The following CCDC180 variants were observed in gnomAD, a reference collection of about 807,000 sequenced individuals.
The protein encoded by CCDC180 is coiled-coil domain-containing protein 180.
Under a neutral mutation model 209.2 loss-of-function variants are expected in CCDC180, and 154 were observed. That is an observed-to-expected ratio of 0.74 (90% CI 0.65 to 0.84). The LOEUF is 0.84. CCDC180 is among the 40% of genes least tolerant of loss of function. The probability of loss-of-function intolerance (pLI) is 0.00; values close to 1 mark genes in which losing one functional copy is unlikely to be tolerated. For missense variants in CCDC180, 1,874 were observed against 1,997.3 expected, an observed-to-expected ratio of 0.94 and a Z score of 1.18; for synonymous variants, 778 against 749.1, an observed-to-expected ratio of 1.04 and a Z score of -0.63.
chr9:97,328,822 A>G (rs1245121919), intron 16 of CCDC180, among the ~76,000 whole-genome samples: 2 of 152,208 alleles, frequency 1.3e-5, no homozygotes, highest in African/African-American at 4.8e-5. Context: ...AGGAGTCTGG[A>G]GAACCCAACT....
intron 9 of CCDC180, among the ~76,000 whole-genome samples, chr9:97,317,637 C>A (rs921607517): frequency 1.3e-5 from 2 of 152,186 alleles, no homozygotes; most frequent in Non-Finnish European, 2.9e-5. Context: ...ATCCTTCAGG[C>A]AAACACTTCC....
At position 97,330,513 on chromosome 9, in the gene CCDC180, A is replaced by C; in HGVS notation, c.2020A>C (p.Lys674Gln). ...AACTGAAGAGGTGCTGGGGCAGCAG[A>C]AAAAATCTCCACTGCATGCTAAGAT... The part of the protein sequence containing the change: ...FITEEVLGQQ[K>Q]KSPLHAKMDE... Residue 674 changes from lysine (K) to glutamine (Q), a missense_variant, in exon 18 of 37, where the codon AAA becomes CAA. Transcript: ENST00000529487. 6.2e-7 allele frequency: 1 copy of C among 1,614,176 alleles called. No homozygotes were observed. The highest frequency in any genetic ancestry group is 2.2e-5 in the East Asian group (1 of 44,878).
chr9:97,332,320 CT>C (rs1249121932), intron 18 of CCDC180, among the ~76,000 whole-genome samples: 1 of 152,106 alleles, frequency 6.6e-6, no homozygotes, highest in Non-Finnish European at 1.5e-5. Flanking sequence ...TCCAGCTGTG[CT>C]CTTTTTACTT....
In CCDC180 at chr9:97,330,313, C is replaced by T. The variant is rs745691068; in HGVS notation, c.1829-9C>T. 1.9e-6 allele frequency: 3 copies of T among 1,612,684 alleles called. No homozygotes were observed. The highest frequency in any genetic ancestry group is 1.7e-5 in the Admixed American group (1 of 59,802). On this transcript the variant is annotated splice_polypyrimidine_tract_variant and intron_variant, in intron 17 of 36. Transcript: ENST00000529487. ...TCTCTCCTTGTGCTTTGGTGTTTAT[C>T]ATCAACAGAAGCACATGAAAAACCC...
At chr9:97,368,442 G>A (rs1478343613) in intron 31 of CCDC180, among the ~76,000 whole-genome samples, 3 of 152,062 alleles carry the variant, frequency 2.0e-5, no homozygotes, top group Non-Finnish European at 4.4e-5. Context: ...AACCCAACAG[G>A]GCTTCCTGAG....
intron 10 of CCDC180, among the ~76,000 whole-genome samples, chr9:97,319,714 T>G (rs981903378): frequency 2.0e-5 from 3 of 152,234 alleles, no homozygotes; most frequent in African/African-American, 7.2e-5. Flanking sequence ...TTTGCTGTAC[T>G]TAGTTTTCTA....
rs1384217494 is a variant in CCDC180, at chr9:97,312,182, G to A, written c.330G>A (p.Arg110=). The change falls in exon 4 of 37, where the codon CGG becomes CGA. Residue 110 remains arginine, a synonymous_variant. Transcript: ENST00000529487. The part of the protein sequence containing the change: ...SENTIAAREV[R]GLMDTIVPEK... Reference sequence around the variant, plus strand: ...ACACCATCGCTGCCCGAGAAGTGCGGGGTCTCATGGATACTATAGGTGAGC... The same window carrying A: ...ACACCATCGCTGCCCGAGAAGTGCGAGGTCTCATGGATACTATAGGTGAGC... The A allele has an allele frequency of 6.2e-7, 1 of 1,614,010 alleles. No homozygotes were observed. Among genetic ancestry groups the A allele is most frequent in the Non-Finnish European group, 8.5e-7 (1 of 1,179,912 alleles).
At position 97,378,722 on chromosome 9, in the gene CCDC180, C is replaced by G. The variant is rs1171758299; in HGVS notation, c.*1828C>G. On this transcript the variant is annotated 3_prime_UTR_variant, in exon 37 of 37. Transcript: ENST00000529487. ...AGAAGGCAGAGATGACATCCTCCCACATTAGCTCTTTGTACACATCTGTAA... is the reference window on the plus strand; with the variant it reads ...AGAAGGCAGAGATGACATCCTCCCAGATTAGCTCTTTGTACACATCTGTAA... Among the ~76,000 whole-genome samples the G allele has an allele frequency of 6.6e-6, 1 of 152,226 alleles. No homozygotes were observed. Among genetic ancestry groups the G allele is most frequent in the Non-Finnish European group, 1.5e-5 (1 of 68,050 alleles).
chr9:97,340,713 G>C (rs1826051519), intron 18 of CCDC180, among the ~76,000 whole-genome samples: 1 of 152,194 alleles, frequency 6.6e-6, no homozygotes, highest in African/African-American at 2.4e-5. Flanking sequence ...CATCTGGGAA[G>C]ACGCCTGTTG....
chr9:97,322,797 T>C, intron 11 of CCDC180, 36 bp from the exon 12 acceptor site: 1 of 1,590,060 alleles, frequency 6.3e-7, no homozygotes, highest in Non-Finnish European at 8.6e-7. Context: ...CTTCTCTTCC[T>C]TCTGGACTGA....
intron 24 of CCDC180, among the ~76,000 whole-genome samples, chr9:97,356,169 T>C (rs1346745204): frequency 1.3e-5 from 2 of 152,056 alleles, no homozygotes; most frequent in Admixed American, 6.6e-5. Context: ...TGGGAGGGAC[T>C]TGGGGTACAC....
Position 97,314,935 on chromosome 9 carries a change from G to T in CCDC180, c.784G>T (p.Glu262Ter). 2 of 1,613,836 alleles carry T rather than the reference G, an allele frequency of 1.2e-6. No homozygotes were observed. The highest frequency in any genetic ancestry group is 1.1e-5 in the South Asian group (1 of 91,062). ...MRPEVYRLINEEAMVMNYALL... is the reference protein window; with the variant it reads ...MRPEVYRLIN ...GCCCGAAGTGTACAGGCTGATAAAT[G>T]AAGAAGCCATGGTGAGTGGTTTTCC... The change falls in exon 8 of 37, where the codon GAA becomes TAA. Residue 262 changes from glutamate to a stop codon, truncating the protein, a stop_gained. Transcript: ENST00000529487. LOFTEE classifies it high-confidence loss of function.
intron 20 of CCDC180, 65 bp downstream of exon 20, chr9:97,347,554 C>T (rs1009401767): frequency 2.5e-5 from 37 of 1,452,528 alleles, no homozygotes; most frequent in Admixed American, 1.5e-4. Context: ...TGCTCCACCG[C>T]GGCTCCATGT....
At chr9:97,318,129 T>C (rs1833237849) in intron 9 of CCDC180, among the ~76,000 whole-genome samples, 2 of 152,192 alleles carry the variant, frequency 1.3e-5, no homozygotes, top group South Asian at 4.1e-4. Context: ...GGAGAAGGAC[T>C]TGACCAAAGT....
rs768434399 is a variant in CCDC180 at position 97,309,573 on chromosome 9, G to A, written c.229G>A (p.Asp77Asn). The A allele has an allele frequency of 3.8e-6, 6 of 1,588,886 alleles. No individual in the cohort carries two copies. Among genetic ancestry groups the A allele is most frequent in the South Asian group, 2.3e-5 (2 of 87,024 alleles). The change falls in exon 3 of 37, where the codon GAC becomes AAC. Residue 77 changes from aspartate to asparagine, a missense_variant. By Grantham distance (23) the Asp-to-Asn change is conservative. Coordinates refer to ENST00000529487, the MANE Select transcript of CCDC180 (RefSeq NM_020893.6). Reference protein sequence around the residue: ...QQKWMHSLPNDWIMENPVLHR... With the variant: ...QQKWMHSLPNNWIMENPVLHR... Reference sequence around the variant, plus strand: ...GAAGTGGATGCACAGCCTCCCCAACGACTGGATCATGGAAAACCCTGTTCT... The same window carrying A: ...GAAGTGGATGCACAGCCTCCCCAACAACTGGATCATGGAAAACCCTGTTCT...
At chr9:97,347,235 A>T (rs973675594) in intron 19 of CCDC180, 79 bp from the exon 20 acceptor site, 1 of 1,382,462 alleles carries the variant, frequency 7.2e-7, no homozygotes, top group Non-Finnish European at 9.7e-7. Flanking sequence ...AGGGGGAAGC[A>T]CTTTGGGTCT....
intron 18 of CCDC180, among the ~76,000 whole-genome samples, chr9:97,341,885 A>G (rs990739438): frequency 1.3e-5 from 2 of 152,096 alleles, no homozygotes; most frequent in African/African-American, 2.4e-5. Flanking sequence ...ATCCTCAACA[A>G]TGGTGGATGC....
chr9:97,362,459 C>T lies in CCDC180; in HGVS notation c.3902+18C>T. ...GCAGGCAGGTAGGACACAAAGCAGC[C>T]AGAATCGCCCCTTCCCAGTCCATCC... On this transcript the variant is annotated intron_variant, in intron 28 of 36. Transcript: ENST00000529487. The T allele has an allele frequency of 6.2e-7, 1 of 1,607,730 alleles. No homozygotes were observed.
chr9:97,361,284 C>T (rs139879441), intron 26 of CCDC180, among the ~76,000 whole-genome samples: 299 of 152,330 alleles, frequency 2.0e-3, no homozygotes, highest in Non-Finnish European at 3.0e-3. Flanking sequence ...AAACATTGAC[C>T]GGGCACATCT....
Sources: allele counts gnomAD v4.1 joint callset (sites outside exome capture counted in the v4.1 genomes callset), GRCh38; gene constraint gnomAD v4.1.1; transcripts MANE v1.5; gene names NCBI Gene and HGNC (gene_info 2026-07-23, HGNC 2026-07-21).